Variants in PAQR3 observed in about 807,000 individuals in gnomAD.
The protein encoded by PAQR3 is progestin and adipoQ receptor family member 3.
Under a neutral mutation model 41.7 loss-of-function variants are expected in PAQR3, and 39 were observed. The ratio of observed to expected loss-of-function variants is 0.93; its 90% CI spans 0.72 to 1.22. The LOEUF (loss-of-function observed/expected upper bound fraction) is 1.22. Ranked by LOEUF, PAQR3 falls within the 50% of genes most tolerant of loss-of-function variation. The pLI is 0.00. For missense variants in PAQR3, 366 were observed against 385.6 expected (o/e 0.95, Z 0.42); for synonymous variants, 140 against 140.6 (o/e 1.00, Z 0.03).
intron 11 of PAQR3, among the ~76,000 whole-genome samples, chr4:78,889,713 A>C (rs370379174): frequency 1.7e-4 from 26 of 152,328 alleles, no homozygotes; most frequent in African/African-American, 5.8e-4. Context: ...GGACCCAAGA[A>C]AGGCAAAAAA....
chr4:78,936,073 C>T (rs116766555), intron 1 of PAQR3, among the ~76,000 whole-genome samples: 4,038 of 152,222 alleles, frequency 0.027, 184 homozygotes, highest in African/African-American at 0.092. Context: ...CTGTCCCCAC[C>T]CTACACAAGT....
chr4:78,904,451 T>G (rs1017100925), intron 11 of PAQR3, among the ~76,000 whole-genome samples: 1 of 151,944 alleles, frequency 6.6e-6, no homozygotes, highest in Admixed American at 6.6e-5. Context: ...TGCTCAGACA[T>G]TTTTTGCAAT....
At position 78,915,051 on chromosome 4, in the gene PAQR3, A is replaced by ATT. The variant is rs1274927356; in HGVS notation, c.*5487_*5488insAA. The ATT allele has an allele frequency of 1.3e-5, 2 of 152,050 alleles. No homozygotes were observed. The highest frequency in any genetic ancestry group is 2.9e-5 in the Non-Finnish European group (2 of 67,946). 9.4% of individuals were successfully genotyped at this position (152,050 alleles called of 1,614,324 possible). ...ACAAAAATTGCATGGTAAGTATAAT[A>ATT]GGTGGAGGAGGAAAGGTTGTAGGCC... On this transcript the variant is annotated 3_prime_UTR_variant, in exon 6 of 6. Transcript: ENST00000512733.
At chr4:78,931,936 G>T (rs1736950998) in intron 2 of PAQR3, among the ~76,000 whole-genome samples, 2 of 152,180 alleles carry the variant, frequency 1.3e-5, no homozygotes, top group Admixed American at 1.3e-4. Context: ...CCCCAACAGA[G>T]GTGTGGACTA....
Position 78,939,118 on chromosome 4 carries a change from A to G in PAQR3, c.107T>C (p.Ile36Thr), listed in dbSNP as rs753126866. 1 of 1,613,646 alleles carries G rather than the reference A, an allele frequency of 6.2e-7. No individual in the cohort carries two copies. The highest frequency in any genetic ancestry group is 8.5e-7 in the Non-Finnish European group (1 of 1,179,814). ...CGGGTTGTCCTTGAGGGACCCGGGG[A>G]TCTGCTCGTAGGTGTACAGGCGGAT... The part of the protein sequence containing the change: ...RGIRLYTYEQ[I>T]PGSLKDNPYI... The change falls in exon 1 of 6, where the codon ATC becomes ACC. Residue 36 changes from isoleucine to threonine, a missense_variant. Transcript: ENST00000512733.
chr4:78,920,278 A>G lies in PAQR3; in HGVS notation c.*261T>C. On this transcript the variant is annotated 3_prime_UTR_variant, in exon 6 of 6. Transcript: ENST00000512733. The stretch of plus-strand genomic sequence containing the variant: ...CTATTTCAACACTAGTTTCCCATTC[A>G]TCGTTGTTATTCAGATGTTTCTTAT... 7 of 1,119,542 alleles carry G rather than the reference A, an allele frequency of 6.3e-6. No individual in the cohort carries two copies. The highest frequency in any genetic ancestry group is 7.6e-6 in the Non-Finnish European group (7 of 916,754). The allele number at this position is 1,119,542 out of a possible 1,614,324, so 69.4% of individuals were successfully genotyped here. A position where few individuals can be genotyped will look rare whatever the true frequency, so the allele number is the denominator to read the frequency against.
At chr4:78,922,508 TCA>T (rs1735757702) in intron 5 of PAQR3, 1 of 1,122,346 alleles carries the variant, frequency 8.9e-7, no homozygotes, top group Non-Finnish European at 1.2e-6. Context: ...AAAAAAAACA[TCA>T]GTTTTATGTA....
rs559145910 is a variant in PAQR3, at chr4:78,939,397, C to T, written c.-173G>A. 2.2e-4 allele frequency: 83 copies of T among 377,392 alleles called. 2 individuals are homozygous for T. In the South Asian group the frequency reaches 9.6e-3, roughly 44 times the overall value. 23.4% of individuals were successfully genotyped at this position (377,392 alleles called of 1,614,324 possible). A position where few individuals can be genotyped will look rare whatever the true frequency, so the allele number is the denominator to read the frequency against. On this transcript the variant is annotated 5_prime_UTR_variant, in exon 1 of 6. Transcript: ENST00000512733. ...GCTCTGCGCTCACACCGGCCACTGC[C>T]GCCAGCGCCGCGGCGGACCCGGCAG...
chr4:78,903,491 T>G (rs1734122602), intron 11 of PAQR3, among the ~76,000 whole-genome samples: 1 of 151,998 alleles, frequency 6.6e-6, no homozygotes, highest in South Asian at 2.1e-4. Context: ...CCCCACCCAA[T>G]ATTTAGTGAA....
intron 11 of PAQR3, chr4:78,898,815 T>G (rs991260049): frequency 1.3e-5 from 2 of 152,162 alleles, no homozygotes; most frequent in Non-Finnish European, 2.9e-5. Flanking sequence ...ATTGCTTCAC[T>G]ACTTCAAGTC....
intron 2 of PAQR3, among the ~76,000 whole-genome samples, chr4:78,932,000 C>A (rs919554838): frequency 3.3e-5 from 5 of 152,142 alleles, no homozygotes; most frequent in African/African-American, 1.2e-4. Flanking sequence ...AACACTGAGA[C>A]AGTGACAGTG....
rs1254382557 is a variant in PAQR3, at chr4:78,936,783, CT to C, written c.186-1501del. On this transcript the variant is annotated intron_variant, in intron 1 of 5. Transcript: ENST00000512733. ...TTCTTTTTGTGAAATCCAGTATAAC[CT>C]GACTAACTGAACTGAGAGGCACCAC... 6.6e-5 allele frequency among the ~76,000 whole-genome samples: 10 copies of C among 152,298 alleles called. No homozygotes were observed. The East Asian group carries it at 1.7e-3, about 27-fold the overall frequency.
downstream of PAQR3, among the ~76,000 whole-genome samples, chr4:78,906,978 A>T (rs999673896): frequency 2.0e-5 from 3 of 152,164 alleles, no homozygotes; most frequent in Non-Finnish European, 4.4e-5. Context: ...GAATCATAGT[A>T]TATAAATAAA....
chr4:78,896,605 C>T (rs1188556141), intron 11 of PAQR3, among the ~76,000 whole-genome samples: 4 of 152,162 alleles, frequency 2.6e-5, no homozygotes, highest in Non-Finnish European at 4.4e-5. Flanking sequence ...GATTATTATA[C>T]ATGGTGAATG....
chr4:78,887,185 G>A, exon 13 of PAQR3: 2 of 1,605,320 alleles, frequency 1.2e-6, no homozygotes, highest in Non-Finnish European at 1.7e-6. Context: ...TAGGCTCGAG[G>A]AGAGAGCATC....
At chr4:78,921,948 G>GT in intron 5 of PAQR3, 1 of 984,792 alleles carries the variant, frequency 1.0e-6, no homozygotes, top group South Asian at 4.7e-5. Flanking sequence ...GTTACAATAA[G>GT]TTTGATTGTT....
At position 78,939,368 on chromosome 4, in the gene PAQR3, C is replaced by T; in HGVS notation, c.-144G>A. 1.6e-6 allele frequency: 1 copy of T among 623,154 alleles called. No homozygotes were observed. Among genetic ancestry groups the T allele is most frequent in the Non-Finnish European group, 2.3e-6 (1 of 435,802 alleles). The allele number at this position is 623,154 out of a possible 1,614,324, so 38.6% of individuals were successfully genotyped here. A position where few individuals can be genotyped will look rare whatever the true frequency, so the allele number is the denominator to read the frequency against. On this transcript the variant is annotated 5_prime_UTR_variant, in exon 1 of 6. Coordinates refer to ENST00000512733, the MANE Select transcript of PAQR3 (RefSeq NM_001040202.2). ...ACCGCGCTGCCGCTGCTGCCCAGGG[C>T]CCGGCTCTGCGCTCACACCGGCCAC...
At chr4:78,911,353 C>A (rs191135366), downstream of PAQR3, 25 of 1,613,674 alleles carry the variant, frequency 1.5e-5, no homozygotes, top group Admixed American at 3.3e-5. Flanking sequence ...TGGCTCCACT[C>A]CATTTCAGCC....
In PAQR3 at chr4:78,918,035, CT is replaced by C; in HGVS notation, c.*2503del. 1.0e-6 allele frequency: 1 copy of C among 980,906 alleles called. No individual in the cohort carries two copies. Among genetic ancestry groups the C allele is most frequent in the Non-Finnish European group, 1.2e-6 (1 of 825,548 alleles). The allele number at this position is 980,906 out of a possible 1,614,324, so 60.8% of individuals were successfully genotyped here. A position where few individuals can be genotyped will look rare whatever the true frequency, so the allele number is the denominator to read the frequency against. On this transcript the variant is annotated 3_prime_UTR_variant, in exon 6 of 6. Coordinates refer to ENST00000512733, the MANE Select transcript of PAQR3 (RefSeq NM_001040202.2). ...AATAACAAAAAAAGACAAGCACTGT[CT>C]TGCTATTTGAAAATGGCTTAATATA...
Sources: allele counts gnomAD v4.1 joint callset (sites outside exome capture counted in the v4.1 genomes callset), GRCh38; gene constraint gnomAD v4.1.1; transcripts MANE v1.5; gene names NCBI Gene and HGNC (gene_info 2026-07-23, HGNC 2026-07-21).